KRT7: variants seen among roughly 807,000 people sequenced by gnomAD.
The protein encoded by KRT7 is keratin 7.
A neutral mutation model predicts 42.8 loss-of-function variants in KRT7; 50 were observed. The ratio of observed to expected loss-of-function variants is 1.17; its 90% CI spans 0.93 to 1.48. KRT7 has a LOEUF of 1.48. Ranked by LOEUF, KRT7 falls within the 40% of genes most tolerant of loss-of-function variation. The pLI is 0.00. For synonymous variants in KRT7, 268 were observed against 266.3 expected (o/e 1.01, Z -0.06); for missense variants, 588 against 637.6 (o/e 0.92, Z 0.84).
chr12:52,247,990 G>T (rs917990612), intron 7 of KRT7, 187 bp from the exon 8 acceptor site: 3 of 625,718 alleles, frequency 4.8e-6, no homozygotes, highest in Non-Finnish European at 8.6e-6. Context: ...GGATAGAAGG[G>T]CCAAGGTGAA....
intron 6 of KRT7, 32 bp from the exon 7 acceptor site, chr12:52,245,380 G>T (rs1942152777): frequency 1.2e-6 from 2 of 1,607,750 alleles, no homozygotes; most frequent in Middle Eastern, 3.6e-4. Flanking sequence ...AGACTGGTGA[G>T]CCCCAGCTTA....
intron 4 of KRT7, among the ~76,000 whole-genome samples, chr12:52,239,373 T>C (rs1311994321): frequency 6.6e-6 from 1 of 152,240 alleles, no homozygotes; most frequent in East Asian, 1.9e-4. Flanking sequence ...AGCAAAGGGC[T>C]AGTATATCCT....
Position 52,235,184 on chromosome 12 carries a change from G to T in KRT7, c.354G>T (p.Leu118=). Residue 118 remains leucine, a synonymous_variant, in exon 2 of 9, where the codon CTG becomes CTT. Coordinates refer to ENST00000331817, the MANE Select transcript of KRT7 (RefSeq NM_005556.4). ...KVRFLEQQNK[L]LETKWTLLQE... ...GGTTTCTGGAGCAGCAGAACAAGCT[G>T]CTGGAGACCAAGTGGACGCTGCTGC... is the stretch of plus-strand genomic sequence containing the variant. 1 of 1,614,144 alleles carries T rather than the reference G, an allele frequency of 6.2e-7. No individual in the cohort carries two copies. Among genetic ancestry groups the T allele is most frequent in the Non-Finnish European group, 8.5e-7 (1 of 1,179,986 alleles).
chr12:52,250,625 G>T, downstream of KRT7: 3 of 913,908 alleles, frequency 3.3e-6, no homozygotes, highest in African/African-American at 1.6e-5. Context: ...AGACCCCGCC[G>T]CGAGAGCTGC....
chr12:52,252,510 T>C, downstream of KRT7: 1 of 1,611,650 alleles, frequency 6.2e-7, no homozygotes, highest in South Asian at 1.1e-5. Context: ...TTATTAAGGA[T>C]CTCTGTTCTG....
intron 6 of KRT7, 185 bp downstream of exon 6, chr12:52,243,322 G>C (rs1472513823): frequency 6.0e-6 from 4 of 667,196 alleles, no homozygotes; most frequent in Non-Finnish European, 9.7e-6. Context: ...ATGGGCTGAT[G>C]GGAGAAAGGT....
At position 52,237,564 on chromosome 12, in the gene KRT7, A is replaced by C; in HGVS notation, c.592A>C (p.Lys198Gln). The change falls in exon 3 of 9, where the codon AAG (lysine) becomes CAG (glutamine). Residue 198 changes from lysine to glutamine, a missense_variant. Physicochemically the swap from Lys to Gln is moderately conservative, Grantham distance 53 (BLOSUM62 1). Coordinates refer to ENST00000331817, the MANE Select transcript of KRT7 (RefSeq NM_005556.4). ...TGCTGAGAATGAGTTTGTGGTGCTG[A>C]AGAAGGTGAGTGGGAAAGACAGGCT... ...TAAENEFVVL[K>Q]KDVDAAYMSK... is the part of the protein sequence containing the mutation. 1 of 1,610,162 alleles carries C rather than the reference A, an allele frequency of 6.2e-7. No individual in the cohort carries two copies. The highest frequency in any genetic ancestry group is 1.1e-5 in the South Asian group (1 of 90,608).
downstream of KRT7, chr12:52,253,348 T>C (rs780813448): frequency 2.4e-5 from 39 of 1,611,954 alleles, no homozygotes; most frequent in East Asian, 3.1e-4. Context: ...ACTGGGGAAG[T>C]AGAGTTGCTT....
chr12:52,237,532 G>A lies in KRT7; in HGVS notation c.560G>A (p.Arg187His), dbSNP rs367997288. The change falls in exon 3 of 9, where the codon CGC (arginine) becomes CAC (histidine). Residue 187 changes from arginine to histidine, a missense_variant. Coordinates refer to ENST00000331817, the MANE Select transcript of KRT7 (RefSeq NM_005556.4). ...AGGTACGAAGATGAAATTAACCACC[G>A]CACAGCTGCTGAGAATGAGTTTGTG... Reference protein sequence around the residue: ...KNKYEDEINHRTAAENEFVVL... With the variant: ...KNKYEDEINHHTAAENEFVVL... 63 of 1,611,734 alleles carry A rather than the reference G, an allele frequency of 3.9e-5. No homozygotes were observed. In the African/African-American group the frequency reaches 4.1e-4, roughly 11 times the overall value.
chr12:52,234,177 C>A (rs1474241861), intron 1 of KRT7, among the ~76,000 whole-genome samples: 7 of 151,408 alleles, frequency 4.6e-5, no homozygotes, highest in Admixed American at 4.6e-4. Flanking sequence ...GGTCCTCCAG[C>A]CTCCCTTAGG....
At position 52,241,552 on chromosome 12, in the gene KRT7, C is replaced by T. The variant is rs144867053; in HGVS notation, c.774C>T (p.Asp258=). Residue 258 remains aspartate, a synonymous_variant, in exon 5 of 9, where the codon GAC becomes GAT. Coordinates refer to ENST00000331817, the MANE Select transcript of KRT7 (RefSeq NM_005556.4). ...SMDNSRSLDL[D]GIIAEVKAQY... ...ACAACAGTCGCTCCCTGGACCTGGA[C>T]GGCATCATCGCTGAGGTCAAGGCGC... The T allele has an allele frequency of 7.6e-5, 122 of 1,613,994 alleles. No homozygotes were observed. In the African/African-American group the frequency reaches 1.4e-3, roughly 18 times the overall value.
chr12:52,247,941 T>C (rs983908896), intron 7 of KRT7: 1 of 570,794 alleles, frequency 1.8e-6, no homozygotes, highest in African/African-American at 1.9e-5. Flanking sequence ...AGGTGGGAAA[T>C]GGAGGCCCTG....
chr12:52,233,566 G>C lies in KRT7; in HGVS notation c.270G>C (p.Glu90Asp). Residue 90 changes from glutamate (E) to aspartate (D), a missense_variant, in exon 1 of 9, where the codon GAG (glutamate) becomes GAC (aspartate). Transcript: ENST00000331817. ...CCTCCCTCCAGCGGGTGCGCCAGGA[G>C]GAGAGCGAGCAGATCAAGACCCTCA... ...ADPSLQRVRQ[E>D]ESEQIKTLNN... 3.1e-6 allele frequency: 5 copies of C among 1,613,232 alleles called. No individual in the cohort carries two copies. The highest frequency in any genetic ancestry group is 4.2e-6 in the Non-Finnish European group (5 of 1,179,836).
intron 1 of KRT7, among the ~76,000 whole-genome samples, chr12:52,234,132 G>GT (rs1348367971): frequency 1.3e-5 from 2 of 149,490 alleles, no homozygotes; most frequent in East Asian, 4.0e-4. Flanking sequence ...GGGGGAGGGG[G>GT]GGGGGCTCCC....
intron 8 of KRT7, 79 bp downstream of exon 8, chr12:52,248,290 GC>G: frequency 6.9e-7 from 1 of 1,441,518 alleles, no homozygotes; most frequent in Non-Finnish European, 9.7e-7. Flanking sequence ...TGGCAGACTG[GC>G]CCAGGGCCCT....
chr12:52,255,080 A>G (rs1331001643), downstream of KRT7, among the ~76,000 whole-genome samples: 1 of 152,198 alleles, frequency 6.6e-6, no homozygotes, highest in Non-Finnish European at 1.5e-5. Context: ...TGGTGGCTAT[A>G]TGGCAGCAAC....
intron 3 of KRT7, 38 bp from the exon 4 acceptor site, chr12:52,238,634 ACTGAGGAC>A (rs1565718218): frequency 1.7e-6 from 2 of 1,156,754 alleles, no homozygotes; most frequent in Non-Finnish European, 2.6e-6. Context: ...TGTTCCCTGT[ACTGAGGAC>A]ATGGTCTCCC....
downstream of KRT7, chr12:52,253,510 C>A (rs1050754746): frequency 1.5e-5 from 23 of 1,572,724 alleles, no homozygotes; most frequent in African/African-American, 2.3e-4. Context: ...TCCGTAGGGA[C>A]CAGAATCCCC....
At position 52,233,430 on chromosome 12, in the gene KRT7, CACG is replaced by C. The variant is rs1243940614; in HGVS notation, c.135_137del (p.Arg46del). On this transcript the variant is annotated inframe_deletion, in exon 1 of 9. Transcript: ENST00000331817. ...AGCAGCCTCTACGGCCTCGGCGCCT[CACG>C]GCCGCGCGTGGCCGTGCGCTCTGCC... 1.3e-6 allele frequency: 2 copies of C among 1,558,884 alleles called. No individual in the cohort carries two copies. The highest frequency in any genetic ancestry group is 1.7e-6 in the Non-Finnish European group (2 of 1,160,228).
Sources: gnomAD v4.1 joint callset for allele counts (sites outside exome capture counted in the v4.1 genomes callset) on GRCh38, gnomAD v4.1.1 for gene constraint, MANE v1.5 for transcripts, NCBI Gene and HGNC (gene_info 2026-07-23, HGNC 2026-07-21) for gene names.